METTL8: variants seen among roughly 807,000 people sequenced by gnomAD.
METTL8 encodes methyltransferase 8, tRNA N3-cytidine.
Under a neutral mutation model 48.7 loss-of-function variants are expected in METTL8, and 32 were observed. The observed-to-expected ratio is 0.66, with a 90% confidence interval of 0.50 to 0.88. METTL8 has a LOEUF of 0.88. Ranked by LOEUF, METTL8 falls within the 40% of genes least tolerant of loss-of-function variation. The pLI is 0.00. For missense variants in METTL8, 464 were observed against 474.4 expected (o/e 0.98, Z 0.20); for synonymous variants, 136 against 157.1 (o/e 0.87, Z 1.01).
chr2:171,336,575 G>A (rs1188514074), intron 5 of METTL8, among the ~76,000 whole-genome samples: 1 of 151,664 alleles, frequency 6.6e-6, no homozygotes, highest in Non-Finnish European at 1.5e-5. Context: ...CTAATTTTTT[G>A]TATTTTTAGT....
chr2:171,375,319 G>A, intron 2 of METTL8: 1 of 739,744 alleles, frequency 1.4e-6, no homozygotes, highest in East Asian at 2.5e-5. Flanking sequence ...ATCTTTTAAA[G>A]AAACTGCCAA....
At chr2:171,372,715 T>C (rs887706752) in intron 2 of METTL8, among the ~76,000 whole-genome samples, 5 of 152,124 alleles carry the variant, frequency 3.3e-5, no homozygotes, top group African/African-American at 9.7e-5. Flanking sequence ...TTCCTACCTA[T>C]GAGTGAGAAC....
chr2:171,364,708 T>C (rs73976149), intron 2 of METTL8, among the ~76,000 whole-genome samples: 8,289 of 152,264 alleles, frequency 0.054, 239 homozygotes, highest in African/African-American at 0.072. Context: ...ATTATTTAAG[T>C]TGGATACTAA....
At chr2:171,396,959 T>C (rs1689124217) in intron 1 of METTL8, among the ~76,000 whole-genome samples, 1 of 151,272 alleles carries the variant, frequency 6.6e-6, no homozygotes, top group Non-Finnish European at 1.5e-5. Context: ...AAGTAGCTGG[T>C]ACTACAGGCA....
chr2:171,317,718 C>T lies in METTL8; in HGVS notation c.*6454G>A, dbSNP rs1332454011. The T allele has an allele frequency of 6.6e-6, 1 of 152,220 alleles. No individual in the cohort carries two copies. Among genetic ancestry groups the T allele is most frequent in the Non-Finnish European group, 1.5e-5 (1 of 68,048 alleles). The allele number at this position is 152,220 out of a possible 1,614,324, so 9.4% of individuals were successfully genotyped here. On this transcript the variant is annotated 3_prime_UTR_variant, in exon 10 of 10. Coordinates refer to ENST00000375258, the MANE Select transcript of METTL8 (RefSeq NM_001321154.2). ...TAGAATCAGAAGCTGTTGTTTTAAA[C>T]TCTTGGCCAAGTAGCAGTGCCTTGT...
At chr2:171,394,129 A>G (rs1343816611) in intron 1 of METTL8, among the ~76,000 whole-genome samples, 5 of 152,156 alleles carry the variant, frequency 3.3e-5, no homozygotes. Flanking sequence ...TTGCCTGCCA[A>G]TGTTCCACAT....
In METTL8 at chr2:171,348,819, G is replaced by GA. The variant is rs1275160822; in HGVS notation, c.236-9266dup. On this transcript the variant is annotated intron_variant, in intron 3 of 9. Coordinates refer to ENST00000375258, the MANE Select transcript of METTL8 (RefSeq NM_001321154.2). The stretch of plus-strand genomic sequence containing the variant: ...CTATTTTATAAACTATTTTTAAAAA[G>GA]AAAAAAAAAGAACCAACATGTTCTA... 2.0e-5 allele frequency among the ~76,000 whole-genome samples: 3 copies of GA among 149,464 alleles called. No homozygotes were observed. In the East Asian group the frequency reaches 5.8e-4, roughly 29 times the overall value.
chr2:171,424,955 A>G (rs1415704716), intron 1 of METTL8, among the ~76,000 whole-genome samples: 1 of 152,132 alleles, frequency 6.6e-6, no homozygotes, highest in East Asian at 1.9e-4. Flanking sequence ...GGAGGGACCC[A>G]GTGGGAGGTA....
intron 1 of METTL8, among the ~76,000 whole-genome samples, chr2:171,419,722 C>T (rs1408162509): frequency 6.6e-6 from 1 of 152,016 alleles, no homozygotes; most frequent in African/African-American, 2.4e-5. Context: ...CTCTGCATTC[C>T]ATCCTGGAAT....
At chr2:171,413,957 T>A (rs1353476082) in intron 1 of METTL8, among the ~76,000 whole-genome samples, 1 of 152,182 alleles carries the variant, frequency 6.6e-6, no homozygotes, top group African/African-American at 2.4e-5. Flanking sequence ...AAAGAAAATT[T>A]CGTTTCTAAA....
At chr2:171,392,275 T>G (rs1688649598) in intron 1 of METTL8, 78 bp from the exon 2 acceptor site, 3 of 1,209,508 alleles carry the variant, frequency 2.5e-6, no homozygotes, top group Non-Finnish European at 3.4e-6. Flanking sequence ...AACCTGGTTC[T>G]AAAGGTTTTC....
Position 171,411,640 on chromosome 2 carries a change from G to A in METTL8, c.-12-19443C>T, listed in dbSNP as rs146802429. The stretch of plus-strand genomic sequence containing the variant: ...CCCGTTTGGAAAAAAAAGGTACATC[G>A]CTACTCCATATCTAACATCAAAATA... On this transcript the variant is annotated intron_variant, in intron 1 of 9. Coordinates refer to ENST00000375258, the MANE Select transcript of METTL8 (RefSeq NM_001321154.2). Among the ~76,000 whole-genome samples the A allele has an allele frequency of 4.2e-3, 644 of 152,242 alleles. 1 individual carries two copies. The highest frequency in any genetic ancestry group is 7.4e-3 in the Non-Finnish European group (501 of 68,024).
At chr2:171,379,783 G>A (rs554386356) in intron 2 of METTL8, among the ~76,000 whole-genome samples, 2 of 152,294 alleles carry the variant, frequency 1.3e-5, no homozygotes, top group Admixed American at 6.5e-5. Flanking sequence ...AAAAGCCCAG[G>A]ACCAGATAGA....
At chr2:171,367,266 T>A (rs575718835) in intron 2 of METTL8, among the ~76,000 whole-genome samples, 1 of 151,942 alleles carries the variant, frequency 6.6e-6, no homozygotes, top group African/African-American at 2.4e-5. Context: ...AAGATAAAGA[T>A]AAATTTGAAA....
intron 2 of METTL8, among the ~76,000 whole-genome samples, chr2:171,390,656 G>C (rs1688499738): frequency 6.6e-6 from 1 of 152,324 alleles, no homozygotes; most frequent in Admixed American, 6.5e-5. Flanking sequence ...AGAATTAAAA[G>C]TGGGGCCTAA....
intron 5 of METTL8, among the ~76,000 whole-genome samples, chr2:171,333,900 G>C (rs1305030692): frequency 6.6e-6 from 1 of 152,138 alleles, no homozygotes; most frequent in East Asian, 1.9e-4. Context: ...ATGGTTGTTT[G>C]AAGTGAATGG....
At chr2:171,404,052 CATATATATATATA>C (rs1689908273) in intron 1 of METTL8, among the ~76,000 whole-genome samples, 2 of 43,976 alleles carry the variant, frequency 4.5e-5, no homozygotes, top group African/African-American at 2.3e-4. Context: ...TATGCTTTCT[CATATATATATATA>C]TATATATATA....
In METTL8 at chr2:171,318,107, T is replaced by C. The variant is rs767919083; in HGVS notation, c.*6065A>G. 5 of 152,362 alleles carry C rather than the reference T, an allele frequency of 3.3e-5. No homozygotes were observed. Among genetic ancestry groups the C allele is most frequent in the Non-Finnish European group, 5.9e-5 (4 of 68,034 alleles). The allele number at this position is 152,362 out of a possible 1,614,324, so 9.4% of individuals were successfully genotyped here. A position where few individuals can be genotyped will look rare whatever the true frequency, so the allele number is the denominator to read the frequency against. On this transcript the variant is annotated 3_prime_UTR_variant, in exon 10 of 10. Coordinates refer to ENST00000375258, the MANE Select transcript of METTL8 (RefSeq NM_001321154.2). ...GACATATGTTAATGAAAGACAGATTTTGGCATCCACTTTTCTCTGTAGCTT... is the reference window on the plus strand; with the variant it reads ...GACATATGTTAATGAAAGACAGATTCTGGCATCCACTTTTCTCTGTAGCTT...
At chr2:171,372,340 T>C (rs1686447812) in intron 2 of METTL8, among the ~76,000 whole-genome samples, 2 of 152,114 alleles carry the variant, frequency 1.3e-5, no homozygotes, top group Admixed American at 6.5e-5. Context: ...TATAGTTACA[T>C]CTCTACCCTC....
Sources: allele counts gnomAD v4.1 joint callset (sites outside exome capture counted in the v4.1 genomes callset), GRCh38; gene constraint gnomAD v4.1.1; transcripts MANE v1.5; gene names NCBI Gene and HGNC (gene_info 2026-07-23, HGNC 2026-07-21).